The following SLC35F4 variants were observed in gnomAD, a reference collection of about 807,000 sequenced individuals.
The protein encoded by SLC35F4 is solute carrier family 35 member F4, also known as chromosome 14 open reading frame 36.
In SLC35F4, 24 loss-of-function variants were observed where a neutral mutation model predicts 44.2. The observed-to-expected ratio is 0.54, with a 90% confidence interval of 0.39 to 0.76. The LOEUF (loss-of-function observed/expected upper bound fraction) is 0.76. SLC35F4 is among the 30% of genes least tolerant of loss of function. The probability of loss-of-function intolerance (pLI) is 0.00; values close to 1 mark genes in which losing one functional copy is unlikely to be tolerated. For synonymous variants in SLC35F4, 238 were observed against 223.6 expected (o/e 1.06, Z -0.57); for missense variants, 562 against 586.1 (o/e 0.96, Z 0.42).
chr14:57,683,750 C>G (rs1399172062), intron 1 of SLC35F4, among the ~76,000 whole-genome samples: 2 of 152,152 alleles, frequency 1.3e-5, no homozygotes, highest in Non-Finnish European at 2.9e-5. Flanking sequence ...CTTGATTCAG[C>G]CTATGACTCC....
At chr14:57,821,292 A>G (rs1358650574) in intron 1 of SLC35F4, among the ~76,000 whole-genome samples, 1 of 152,172 alleles carries the variant, frequency 6.6e-6, no homozygotes, top group Non-Finnish European at 1.5e-5. Flanking sequence ...GATTTTTGTG[A>G]TAGTATAGAA....
chr14:57,811,061 T>C (rs1881911999), intron 1 of SLC35F4, among the ~76,000 whole-genome samples: 1 of 152,192 alleles, frequency 6.6e-6, no homozygotes, highest in African/African-American at 2.4e-5. Flanking sequence ...GAGACCTCTC[T>C]GGCAGAGCTA....
At chr14:57,822,541 CT>C (rs1224888619) in intron 1 of SLC35F4, among the ~76,000 whole-genome samples, 2 of 152,004 alleles carry the variant, frequency 1.3e-5, no homozygotes, top group Admixed American at 6.6e-5. Flanking sequence ...TTATTTTCTC[CT>C]TTTTTTTCAT....
chr14:57,695,263 C>T (rs1235976532), intron 1 of SLC35F4, among the ~76,000 whole-genome samples: 1 of 152,004 alleles, frequency 6.6e-6, no homozygotes, highest in African/African-American at 2.4e-5. Context: ...ATTTTTGCAA[C>T]CTACTCATCT....
At chr14:57,793,519 C>A (rs1252267181) in intron 1 of SLC35F4, among the ~76,000 whole-genome samples, 1 of 152,106 alleles carries the variant, frequency 6.6e-6, no homozygotes, top group African/African-American at 2.4e-5. Flanking sequence ...TCCTGAGTTA[C>A]TCAGGATAAT....
intron 1 of SLC35F4, among the ~76,000 whole-genome samples, chr14:57,603,576 GA>G (rs1208082620): frequency 6.6e-6 from 1 of 152,158 alleles, no homozygotes; most frequent in East Asian, 1.9e-4. Context: ...GAATCTCCTG[GA>G]AGCCACAATG....
intron 1 of SLC35F4, among the ~76,000 whole-genome samples, chr14:57,741,026 G>A (rs956695954): frequency 1.3e-5 from 2 of 152,184 alleles, no homozygotes; most frequent in Admixed American, 6.5e-5. Flanking sequence ...GGTCCTGACT[G>A]TTAGAAGGAA....
chr14:57,664,235 C>A (rs1387618231), intron 1 of SLC35F4, among the ~76,000 whole-genome samples: 1 of 152,104 alleles, frequency 6.6e-6, no homozygotes, highest in Non-Finnish European at 1.5e-5. Context: ...TTACTTGTCA[C>A]TTCAAAATTG....
At chr14:57,838,829 GA>G (rs1032794129) in intron 1 of SLC35F4, among the ~76,000 whole-genome samples, 17 of 152,070 alleles carry the variant, frequency 1.1e-4, no homozygotes, top group Non-Finnish European at 1.8e-4. Context: ...CAAAAGGCAG[GA>G]AAATACAGGA....
chr14:57,894,220 C>G (rs1888828485), intron 1 of SLC35F4, among the ~76,000 whole-genome samples: 1 of 152,054 alleles, frequency 6.6e-6, no homozygotes, highest in African/African-American at 2.4e-5. Context: ...GATATTATAG[C>G]AAGCACTATA....
At chr14:57,866,921 T>C (rs1337804411), upstream of SLC35F4, among the ~76,000 whole-genome samples, 2 of 150,814 alleles carry the variant, frequency 1.3e-5, no homozygotes, top group South Asian at 4.2e-4. Flanking sequence ...GTGGAGACGA[T>C]TCCTCTGTTC....
intron 1 of SLC35F4, among the ~76,000 whole-genome samples, chr14:57,960,059 T>G (rs748514409): frequency 1.3e-5 from 2 of 152,210 alleles, no homozygotes; most frequent in Non-Finnish European, 2.9e-5. Context: ...GACAAGTTAC[T>G]GAACTTCTCC....
intron 1 of SLC35F4, among the ~76,000 whole-genome samples, chr14:57,658,072 T>C (rs780694703): frequency 6.6e-5 from 10 of 152,220 alleles, no homozygotes; most frequent in African/African-American, 1.2e-4. Flanking sequence ...ATTATGACTA[T>C]GGAAACTCAG....
intron 1 of SLC35F4, among the ~76,000 whole-genome samples, chr14:57,805,632 A>G (rs952709906): frequency 6.6e-6 from 1 of 152,096 alleles, no homozygotes; most frequent in African/African-American, 2.4e-5. Flanking sequence ...AGTGGGGAGT[A>G]GGGGGAGAGA....
chr14:57,688,717 C>T (rs1212966045), intron 1 of SLC35F4, among the ~76,000 whole-genome samples: 1 of 152,174 alleles, frequency 6.6e-6, no homozygotes, highest in Non-Finnish European at 1.5e-5. Context: ...TACTATCTAA[C>T]TGCAGTCAAG....
intron 1 of SLC35F4, among the ~76,000 whole-genome samples, chr14:57,841,850 T>G (rs1885519030): frequency 6.6e-6 from 1 of 152,166 alleles, no homozygotes; most frequent in Non-Finnish European, 1.5e-5. Flanking sequence ...AAAGCTAGAA[T>G]AAAAGATTAG....
chr14:57,974,241 C>T (rs561589451), downstream of SLC35F4, among the ~76,000 whole-genome samples: 5 of 152,220 alleles, frequency 3.3e-5, no homozygotes, highest in East Asian at 9.7e-4. Flanking sequence ...GAGCACCTAC[C>T]CAAGGCCTCC....
intron 1 of SLC35F4, among the ~76,000 whole-genome samples, chr14:57,618,511 T>C (rs557330238): frequency 7.9e-5 from 12 of 152,304 alleles, no homozygotes; most frequent in African/African-American, 2.6e-4. Context: ...CTGGCCCAGA[T>C]ACTGCGCTTT....
chr14:57,723,192 C>T (rs1279398767), intron 1 of SLC35F4, among the ~76,000 whole-genome samples: 1 of 152,016 alleles, frequency 6.6e-6, no homozygotes, highest in Non-Finnish European at 1.5e-5. Flanking sequence ...ACAGTGGGTC[C>T]CCAGACTCAT....
Sources: gnomAD v4.1 joint callset for allele counts (sites outside exome capture counted in the v4.1 genomes callset) on GRCh38, gnomAD v4.1.1 for gene constraint, MANE v1.5 for transcripts, NCBI Gene and HGNC (gene_info 2026-07-23, HGNC 2026-07-21) for gene names.